Variants in SNX13 observed in about 807,000 individuals in gnomAD.
The protein encoded by SNX13 is sorting nexin 13, also known as sorting nexin-13.
SNX13 carries 45 observed loss-of-function variants against 133.6 expected under a neutral mutation model. The observed-to-expected ratio is 0.34, with a 90% CI of 0.27 to 0.43. The LOEUF is 0.43. Ranked by LOEUF, SNX13 falls within the 20% of genes least tolerant of loss-of-function variation. The pLI is 1.00. For missense variants in SNX13, 1,032 were observed against 1,145.1 expected (o/e 0.90, Z 1.43); for synonymous variants, 414 against 373.9 (o/e 1.11, Z -1.24).
Position 17,834,106 on chromosome 7 carries a change from C to T in SNX13, c.1543G>A (p.Glu515Lys). Residue 515 changes from glutamate to lysine, a missense_variant, in exon 15 of 26, where the codon GAG (glutamate) becomes AAG (lysine). Physicochemically the swap from Glu to Lys is moderately conservative, Grantham distance 56. Coordinates refer to ENST00000428135, the MANE Select transcript of SNX13 (RefSeq NM_015132.5). ...CTAGGATCTTTTAACATGTCAAGCTCAGCTAACATGCGCACATAAAGTGCA... is the reference window on the plus strand; with the variant it reads ...CTAGGATCTTTTAACATGTCAAGCTTAGCTAACATGCGCACATAAAGTGCA... The part of the protein sequence containing the change: ...QNALYVRMLA[E>K]LDMLKDPSFR... 1 of 1,592,150 alleles carries T rather than the reference C, an allele frequency of 6.3e-7. No homozygotes were observed. Among genetic ancestry groups the T allele is most frequent in the Non-Finnish European group, 8.6e-7 (1 of 1,166,400 alleles).
At chr7:17,839,683 G>C in intron 13 of SNX13, 124 bp downstream of exon 13, 5 of 719,636 alleles carry the variant, frequency 6.9e-6, no homozygotes, top group Non-Finnish European at 1.1e-5. Flanking sequence ...AGACAGACAG[G>C]AAGATTGTTA....
intron 1 of SNX13, among the ~76,000 whole-genome samples, chr7:17,906,038 C>A (rs894116623): frequency 6.6e-6 from 1 of 152,134 alleles, no homozygotes; most frequent in Admixed American, 6.5e-5. Context: ...ATGATTCTTA[C>A]TCAACATATA....
intron 17 of SNX13, among the ~76,000 whole-genome samples, chr7:17,823,574 T>A (rs1787545571): frequency 6.6e-6 from 1 of 152,208 alleles, no homozygotes; most frequent in African/African-American, 2.4e-5. Context: ...TCCCTTTCCA[T>A]CTATTATCAC....
chr7:17,884,186 T>C (rs1795703152), intron 5 of SNX13, among the ~76,000 whole-genome samples: 2 of 152,202 alleles, frequency 1.3e-5, no homozygotes, highest in Non-Finnish European at 2.9e-5. Flanking sequence ...TTTAGCTATA[T>C]AAAAATTGTG....
intron 1 of SNX13, among the ~76,000 whole-genome samples, chr7:17,911,785 C>T (rs1799013508): frequency 1.3e-5 from 2 of 151,994 alleles, no homozygotes; most frequent in Admixed American, 1.3e-4. Context: ...AGCGGTCAAA[C>T]TATACCCAAG....
Position 17,860,159 on chromosome 7 carries a change from T to G in SNX13, c.837+8248A>C, listed in dbSNP as rs187540654. Among the ~76,000 whole-genome samples, 299 of 150,198 alleles carry G rather than the reference T, an allele frequency of 2.0e-3. 2 individuals are homozygous for G. The highest frequency in any genetic ancestry group is 0.014 in the Admixed American group (207 of 14,412). ...ATCCTCGCCAATACCTGATATTTTG[T>G]TTTTTTTTCTTTTAATAGTGACCAA... On this transcript the variant is annotated intron_variant, in intron 9 of 25. Coordinates refer to ENST00000428135, the MANE Select transcript of SNX13 (RefSeq NM_015132.5).
At chr7:17,823,522 T>G (rs1008730384) in intron 17 of SNX13, among the ~76,000 whole-genome samples, 6 of 152,172 alleles carry the variant, frequency 3.9e-5, no homozygotes, top group South Asian at 2.1e-4. Context: ...TTCTTAAAAT[T>G]TTTTCTAAGA....
intron 19 of SNX13, 60 bp downstream of exon 19, chr7:17,816,122 T>A: frequency 6.9e-7 from 1 of 1,459,052 alleles, no homozygotes; most frequent in Non-Finnish European, 9.1e-7. Flanking sequence ...ATGAAAAACA[T>A]TCTACACCTG....
intron 13 of SNX13, among the ~76,000 whole-genome samples, chr7:17,837,507 T>A (rs1202620093): frequency 1.3e-5 from 2 of 152,026 alleles, no homozygotes; most frequent in African/African-American, 4.8e-5. Flanking sequence ...AAAACAGGTT[T>A]TTAAATGTGT....
intron 11 of SNX13, among the ~76,000 whole-genome samples, chr7:17,849,746 T>C (rs947579416): frequency 6.6e-6 from 1 of 152,192 alleles, no homozygotes; most frequent in Non-Finnish European, 1.5e-5. Context: ...TTTGCTCTCA[T>C]GACTGCCTCT....
chr7:17,796,312 A>G (rs1562641369), intron 25 of SNX13: 1 of 152,506 alleles, frequency 6.6e-6, no homozygotes, highest in East Asian at 1.9e-4. Flanking sequence ...AGTAATAAAG[A>G]TTAATAATCA....
intron 9 of SNX13, among the ~76,000 whole-genome samples, chr7:17,865,081 G>A (rs192697472): frequency 1.8e-4 from 28 of 152,328 alleles, no homozygotes; most frequent in Non-Finnish European, 3.8e-4. Context: ...AATACCAGAT[G>A]AGTCTTACTA....
intron 14 of SNX13, 75 bp from the exon 15 acceptor site, chr7:17,834,259 A>G: frequency 7.7e-7 from 1 of 1,303,652 alleles, no homozygotes; most frequent in Non-Finnish European, 1.0e-6. Context: ...AATTTCACCA[A>G]AAGACACACT....
At chr7:17,901,484 C>T (rs764977680) in intron 1 of SNX13, among the ~76,000 whole-genome samples, 7 of 152,150 alleles carry the variant, frequency 4.6e-5, no homozygotes, top group Non-Finnish European at 1.5e-5. Context: ...CAGGTTCCAA[C>T]CACTGGGATG....
At chr7:17,937,020 T>TAAAAAAAAAAAAAAAAAAAA (rs536495058) in intron 1 of SNX13, among the ~76,000 whole-genome samples, 2 of 75,030 alleles carry the variant, frequency 2.7e-5, no homozygotes, top group Admixed American at 2.7e-4. Context: ...TAAAATAAAA[T>TAAAAAAAAAAAAAAAAAAAA]AAAAAAAAAA....
intron 1 of SNX13, among the ~76,000 whole-genome samples, chr7:17,910,554 ACTC>A (rs1229302196): frequency 2.6e-5 from 4 of 152,146 alleles, no homozygotes; most frequent in African/African-American, 7.2e-5. Flanking sequence ...CAGCAATTCC[ACTC>A]CTATGTACAT....
At chr7:17,880,521 A>G (rs1795217237) in intron 5 of SNX13, 1 of 152,220 alleles carries the variant, frequency 6.6e-6, no homozygotes, top group South Asian at 2.1e-4. Flanking sequence ...AGGTCACACT[A>G]CAGACTAATT....
At chr7:17,854,688 A>C (rs1791674228) in intron 9 of SNX13, among the ~76,000 whole-genome samples, 2 of 152,184 alleles carry the variant, frequency 1.3e-5, no homozygotes, top group Admixed American at 1.3e-4. Flanking sequence ...TAAGATGACA[A>C]AATTAATTGA....
intron 18 of SNX13, among the ~76,000 whole-genome samples, chr7:17,816,931 A>G (rs986586418): frequency 6.6e-6 from 1 of 152,200 alleles, no homozygotes; most frequent in Non-Finnish European, 1.5e-5. Flanking sequence ...TTTAAAAAAT[A>G]TTTTCCTTAA....
Sources: allele counts gnomAD v4.1 joint callset (sites outside exome capture counted in the v4.1 genomes callset), GRCh38; gene constraint gnomAD v4.1.1; transcripts MANE v1.5; gene names NCBI Gene and HGNC (gene_info 2026-07-23, HGNC 2026-07-21).